APH1B: variants seen among roughly 807,000 people sequenced by gnomAD.
APH1B encodes the protein aph-1B gamma-secretase subunit.
APH1B carries 27 observed loss-of-function variants against 28.2 expected under a neutral mutation model. The ratio of observed to expected loss-of-function variants is 0.96; its 90% CI spans 0.70 to 1.32. APH1B has a LOEUF of 1.32. APH1B is among the 40% of genes most tolerant of loss of function. APH1B has a pLI of 0.00. For synonymous variants in APH1B, 141 were observed against 124.6 expected (o/e 1.13, Z -0.88); for missense variants, 305 against 313.6 (o/e 0.97, Z 0.21).
chr15:63,302,605 G>C (rs2038644619), intron 5 of APH1B, 133 bp downstream of exon 5: 1 of 1,224,822 alleles, frequency 8.2e-7, no homozygotes. Flanking sequence ...TTAAGTGAAT[G>C]AATGAGTCAT....
intron 1 of APH1B, among the ~76,000 whole-genome samples, chr15:63,278,923 T>G (rs558969235): frequency 6.6e-6 from 1 of 152,166 alleles, no homozygotes; most frequent in Non-Finnish European, 1.5e-5. Context: ...GCAGGGTCAT[T>G]GAAAAAAGTA....
chr15:63,282,827 A>T (rs2038402652), intron 2 of APH1B, among the ~76,000 whole-genome samples: 1 of 152,222 alleles, frequency 6.6e-6, no homozygotes, highest in African/African-American at 2.4e-5. Flanking sequence ...TATTTTTAAA[A>T]ATTCTGAAAA....
intron 2 of APH1B, among the ~76,000 whole-genome samples, chr15:63,279,851 G>A (rs2038367050): frequency 6.7e-6 from 1 of 148,994 alleles, no homozygotes; most frequent in Admixed American, 6.7e-5. Flanking sequence ...AGGCTGGAGT[G>A]CAATGGTGCA....
intron 2 of APH1B, among the ~76,000 whole-genome samples, chr15:63,285,951 C>T (rs965491628): frequency 6.6e-6 from 1 of 152,142 alleles, no homozygotes; most frequent in Non-Finnish European, 1.5e-5. Context: ...ATTAAATACT[C>T]GTGAGAGTTC....
intron 5 of APH1B, 38 bp from the exon 6 acceptor site, chr15:63,305,576 G>A (rs1348652030): frequency 6.2e-7 from 1 of 1,603,436 alleles, no homozygotes; most frequent in Admixed American, 1.7e-5. Context: ...TAATAAGCTT[G>A]CTGTTATTAC....
At chr15:63,282,494 A>G (rs1184165342) in intron 2 of APH1B, among the ~76,000 whole-genome samples, 2 of 152,240 alleles carry the variant, frequency 1.3e-5, no homozygotes, top group Non-Finnish European at 1.5e-5. Flanking sequence ...TTGCATAAAG[A>G]GAAATTGGCA....
At chr15:63,287,146 C>T (rs2038455353) in intron 3 of APH1B, 1 of 324,632 alleles carries the variant, frequency 3.1e-6, no homozygotes, top group Non-Finnish European at 5.7e-6. Context: ...GTGTTGTATC[C>T]TCTGTCTCAC....
intron 2 of APH1B, among the ~76,000 whole-genome samples, chr15:63,284,218 CTT>C (rs34480156): frequency 2.6e-4 from 36 of 138,078 alleles, no homozygotes; most frequent in Admixed American, 2.2e-4. Flanking sequence ...ATGTGCTTTG[CTT>C]TTTTTTTTTT....
chr15:63,295,323 A>T (rs958864240), intron 4 of APH1B, among the ~76,000 whole-genome samples: 1 of 152,220 alleles, frequency 6.6e-6, no homozygotes, highest in African/African-American at 2.4e-5. Flanking sequence ...CAGGTCCCCC[A>T]TTAGGGGATT....
intron 4 of APH1B, among the ~76,000 whole-genome samples, chr15:63,299,895 T>C (rs1329422674): frequency 6.6e-6 from 1 of 151,628 alleles, no homozygotes; most frequent in Non-Finnish European, 1.5e-5. Flanking sequence ...AAATGTACTT[T>C]CTCCCCAAGC....
intron 4 of APH1B, among the ~76,000 whole-genome samples, chr15:63,293,921 C>T (rs1280376329): frequency 6.6e-6 from 1 of 151,858 alleles, no homozygotes; most frequent in Non-Finnish European, 1.5e-5. Context: ...TGCCACTAAA[C>T]TCAGCTAATT....
rs1595757167 is a variant in APH1B at position 63,277,746 on chromosome 15, T to G, written c.113+10T>G. ...TCTTCCTCATCGCCGGGTGAGGCGG[T>G]CGCGTCGGGAAACCCGGACGCCGGG... On this transcript the variant is annotated intron_variant, in intron 1 of 5. Transcript: ENST00000261879. 6.2e-7 allele frequency: 1 copy of G among 1,605,152 alleles called. No homozygotes were observed. Among genetic ancestry groups the G allele is most frequent in the Non-Finnish European group, 8.5e-7 (1 of 1,175,774 alleles).
intron 2 of APH1B, 29 bp from the exon 3 acceptor site, chr15:63,286,529 T>C (rs2038447519): frequency 6.5e-7 from 1 of 1,527,974 alleles, no homozygotes; most frequent in South Asian, 1.3e-5. Flanking sequence ...TTTTTTTTCT[T>C]CTTAATTACA....
In APH1B at chr15:63,308,994, G is replaced by A. The variant is rs2038715201; in HGVS notation, c.*3213G>A. On this transcript the variant is annotated 3_prime_UTR_variant, in exon 6 of 6. Coordinates refer to ENST00000261879, the MANE Select transcript of APH1B (RefSeq NM_031301.4). Reference sequence around the variant, plus strand: ...CGGGTACTGTCACTGTGTAAAATATGTAATATTTTATATGTTATACCATGT... The same window carrying A: ...CGGGTACTGTCACTGTGTAAAATATATAATATTTTATATGTTATACCATGT... 6.6e-6 allele frequency: 1 copy of A among 152,018 alleles called. No homozygotes were observed. Among genetic ancestry groups the A allele is most frequent in the African/African-American group, 2.4e-5 (1 of 41,374 alleles). The allele number at this position is 152,018 out of a possible 1,614,324, so 9.4% of individuals were successfully genotyped here. A position where few individuals can be genotyped will look rare whatever the true frequency, so the allele number is the denominator to read the frequency against.
intron 4 of APH1B, among the ~76,000 whole-genome samples, chr15:63,294,637 C>T (rs531922171): frequency 6.6e-5 from 10 of 152,358 alleles, no homozygotes; most frequent in Admixed American, 6.5e-4. Context: ...TGGAAACAAA[C>T]TTATTTGCAT....
chr15:63,285,102 A>G (rs1433603023), intron 2 of APH1B, among the ~76,000 whole-genome samples: 2 of 152,200 alleles, frequency 1.3e-5, no homozygotes, highest in Non-Finnish European at 2.9e-5. Flanking sequence ...TCACTACCAA[A>G]TGCTTCCAGA....
chr15:63,280,232 G>T (rs2038371078), intron 2 of APH1B, among the ~76,000 whole-genome samples: 1 of 152,146 alleles, frequency 6.6e-6, no homozygotes, highest in East Asian at 1.9e-4. Flanking sequence ...AATGCCTTGG[G>T]TTCCCTTGTT....
chr15:63,302,147 C>G (rs550445806), intron 4 of APH1B, among the ~76,000 whole-genome samples, 198 bp from the exon 5 acceptor site: 1 of 152,304 alleles, frequency 6.6e-6, no homozygotes, highest in Admixed American at 6.5e-5. Context: ...GGTTTACATT[C>G]TAGACAAGAA....
chr15:63,288,538 C>T (rs1314658089), intron 4 of APH1B, among the ~76,000 whole-genome samples: 1 of 152,184 alleles, frequency 6.6e-6, no homozygotes. Flanking sequence ...CTTTCCTTGA[C>T]ACACTATTCA....
Sources: gnomAD v4.1 joint callset for allele counts (sites outside exome capture counted in the v4.1 genomes callset) on GRCh38, gnomAD v4.1.1 for gene constraint, MANE v1.5 for transcripts, NCBI Gene and HGNC (gene_info 2026-07-23, HGNC 2026-07-21) for gene names.